The following SNX29 variants were observed in gnomAD, a reference collection of about 807,000 sequenced individuals.
The protein encoded by SNX29 is sorting nexin-29.
In SNX29, 78 loss-of-function variants were observed where a neutral mutation model predicts 102.1. That is an observed-to-expected ratio of 0.76 (90% confidence interval 0.64 to 0.92). The LOEUF is 0.92. Among genes scored for constraint, SNX29 ranks in the 40% least tolerant of loss-of-function variants. SNX29 has a pLI of 0.00. For synonymous variants in SNX29, 580 were observed against 414.5 expected (o/e 1.40, Z -4.85); for missense variants, 1,280 against 1,061.7 (o/e 1.21, Z -2.86).
chr16:12,509,269 G>A (rs1029586468), intron 19 of SNX29, among the ~76,000 whole-genome samples: 4 of 152,164 alleles, frequency 2.6e-5, no homozygotes, highest in South Asian at 2.1e-4. Context: ...GCATTCACTC[G>A]GTGATCACAA....
In SNX29 at chr16:12,488,825, G is replaced by C. The variant is rs28485457; in HGVS notation, c.2178+10966G>C. 3.4e-3 allele frequency among the ~76,000 whole-genome samples: 523 copies of C among 152,296 alleles called. 7 individuals are homozygous for C. Among genetic ancestry groups the C allele is most frequent in the African/African-American group, 0.012 (492 of 41,568 alleles). ...TTGTTTGACACTTCTGGGGTCTGGT[G>C]TTCTCAGTGAACCCACCAGAATTGG... is the stretch of plus-strand genomic sequence containing the variant. On this transcript the variant is annotated intron_variant, in intron 19 of 20. Transcript: ENST00000566228.
chr16:12,414,986 G>T (rs539500314), intron 18 of SNX29, among the ~76,000 whole-genome samples: 38 of 152,322 alleles, frequency 2.5e-4, no homozygotes, highest in Non-Finnish European at 4.6e-4. Flanking sequence ...GCCTCCCAAA[G>T]TGCTGGAATT....
Position 12,571,186 on chromosome 16 carries a change from T to G in SNX29, c.*2557T>G, listed in dbSNP as rs183998970. ...CGTCCTGCTCTCTAGTGTGGTGGGA[T>G]GAACTTCAGGCAACAAACAACTGGC... On this transcript the variant is annotated 3_prime_UTR_variant, in exon 21 of 21. Coordinates refer to ENST00000566228, the MANE Select transcript of SNX29 (RefSeq NM_032167.5). The G allele has an allele frequency of 3.9e-5, 9 of 232,404 alleles. No individual in the cohort carries two copies. The East Asian group carries it at 5.5e-4, about 14-fold the overall frequency. 14.4% of individuals were successfully genotyped at this position (232,404 alleles called of 1,614,324 possible).
intron 2 of SNX29, 92 bp downstream of exon 2, chr16:11,999,450 A>G: frequency 8.1e-7 from 1 of 1,239,792 alleles, no homozygotes; most frequent in Non-Finnish European, 1.2e-6. Context: ...TACACAGACT[A>G]ACTCCCACTT....
intron 20 of SNX29, among the ~76,000 whole-genome samples, chr16:12,540,000 AGT>A (rs1422989896): frequency 2.0e-5 from 3 of 152,072 alleles, no homozygotes; most frequent in East Asian, 3.9e-4. Flanking sequence ...GCTTCTTTTC[AGT>A]GTCTTTTGCA....
chr16:12,240,489 C>T (rs752520034), intron 14 of SNX29, among the ~76,000 whole-genome samples: 4 of 150,692 alleles, frequency 2.7e-5, no homozygotes, highest in East Asian at 1.9e-4. Context: ...GAGTCTATAA[C>T]GATCTTGATT....
chr16:12,419,037 A>G (rs763347302), intron 18 of SNX29, among the ~76,000 whole-genome samples: 6 of 152,282 alleles, frequency 3.9e-5, no homozygotes, highest in Admixed American at 2.0e-4. Flanking sequence ...TCAACATCCT[A>G]CAGTGCACAG....
chr16:12,077,247 C>G (rs537669288), intron 10 of SNX29, among the ~76,000 whole-genome samples: 1 of 151,712 alleles, frequency 6.6e-6, no homozygotes, highest in East Asian at 1.9e-4. Context: ...CCACTGCACT[C>G]CAGCCTAGTT....
At chr16:12,006,967 C>A (rs1028165091) in intron 3 of SNX29, among the ~76,000 whole-genome samples, 3 of 152,146 alleles carry the variant, frequency 2.0e-5, no homozygotes, top group African/African-American at 7.2e-5. Flanking sequence ...AGGCAAAATG[C>A]CATAGCCTAC....
intron 19 of SNX29, among the ~76,000 whole-genome samples, chr16:12,496,450 C>T (rs1223368301): frequency 6.6e-6 from 1 of 151,102 alleles, no homozygotes; most frequent in Admixed American, 6.6e-5. Context: ...TTCGCTGGAG[C>T]ACATGGTCCC....
intron 18 of SNX29, among the ~76,000 whole-genome samples, chr16:12,423,691 C>G (rs1437707314): frequency 6.6e-6 from 1 of 152,172 alleles, no homozygotes; most frequent in East Asian, 1.9e-4. Flanking sequence ...CTGTCTCAGC[C>G]TCCCGAATAG....
At chr16:12,022,836 C>T (rs1015010816) in intron 3 of SNX29, among the ~76,000 whole-genome samples, 4 of 151,420 alleles carry the variant, frequency 2.6e-5, no homozygotes, top group African/African-American at 9.7e-5. Context: ...TGGCTTCCTT[C>T]CTCTAGCATA....
intron 20 of SNX29, 33 bp from the exon 21 acceptor site, chr16:12,568,473 A>G: frequency 3.7e-6 from 6 of 1,606,200 alleles, no homozygotes; most frequent in Non-Finnish European, 5.1e-6. Context: ...TTTCATCCCC[A>G]GACTTAACCC....
intron 8 of SNX29, among the ~76,000 whole-genome samples, chr16:12,060,121 C>G (rs1291980435): frequency 6.6e-6 from 1 of 151,010 alleles, no homozygotes; most frequent in Non-Finnish European, 1.5e-5. Flanking sequence ...TGGTTTCAAC[C>G]AACTGTGGAT....
At chr16:12,056,283 C>T (rs2050517987) in intron 8 of SNX29, among the ~76,000 whole-genome samples, 1 of 152,146 alleles carries the variant, frequency 6.6e-6, no homozygotes, top group Admixed American at 6.5e-5. Context: ...CCAAGGCAGC[C>T]CCCAGCATTG....
intron 16 of SNX29, among the ~76,000 whole-genome samples, chr16:12,366,042 CAAAAAAAA>C (rs55895030): frequency 1.4e-3 from 99 of 72,444 alleles, no homozygotes; most frequent in African/African-American, 2.0e-3. Flanking sequence ...ACTCTTGTCT[CAAAAAAAA>C]AAAAAAAAAA....
At chr16:12,254,981 G>T (rs1221074657) in intron 14 of SNX29, among the ~76,000 whole-genome samples, 6 of 152,140 alleles carry the variant, frequency 3.9e-5, no homozygotes, top group Admixed American at 1.3e-4. Flanking sequence ...TAATGGCAGG[G>T]ACGTGCAGCA....
At chr16:12,553,529 G>C (rs1003720232) in intron 20 of SNX29, among the ~76,000 whole-genome samples, 3 of 152,164 alleles carry the variant, frequency 2.0e-5, no homozygotes, top group Admixed American at 2.0e-4. Flanking sequence ...CTGGAGGAGG[G>C]ACCCCACAGA....
rs571638086 is a variant in SNX29, at chr16:12,306,892, G to T, written c.1782+28856G>T. Among the ~76,000 whole-genome samples, 7 of 152,314 alleles carry T rather than the reference G, an allele frequency of 4.6e-5. No homozygotes were observed. In the South Asian group the frequency reaches 1.5e-3, roughly 32 times the overall value. On this transcript the variant is annotated intron_variant, in intron 15 of 20. Coordinates refer to ENST00000566228, the MANE Select transcript of SNX29 (RefSeq NM_032167.5). ...TGGGTAGAGTGACTGTTCTTCAAGGGTTTGCCATAAGAGAGGGCTTCGGTG... is the reference window on the plus strand; with the variant it reads ...TGGGTAGAGTGACTGTTCTTCAAGGTTTTGCCATAAGAGAGGGCTTCGGTG...
Sources: allele counts gnomAD v4.1 joint callset (sites outside exome capture counted in the v4.1 genomes callset), GRCh38; gene constraint gnomAD v4.1.1; transcripts MANE v1.5; gene names NCBI Gene and HGNC (gene_info 2026-07-23, HGNC 2026-07-21).